ROBO2: variants seen among roughly 807,000 people sequenced by gnomAD.
The protein encoded by ROBO2 is roundabout guidance receptor 2, also known as roundabout homolog 2.
A neutral mutation model predicts 160.8 loss-of-function variants in ROBO2; 53 were observed. That is an observed-to-expected ratio of 0.33 (90% CI 0.26 to 0.41). The LOEUF (loss-of-function observed/expected upper bound fraction) is 0.41. ROBO2 is among the 10% of genes least tolerant of loss of function. The pLI, the probability that ROBO2 is intolerant of heterozygous loss-of-function variation, is 1.00. For missense variants in ROBO2, 1,577 were observed against 1,722.4 expected (o/e 0.92, Z 1.49); for synonymous variants, 664 against 611.7 (o/e 1.09, Z -1.26).
At chr3:76,819,184 G>C (rs1394833975) in intron 2 of ROBO2, among the ~76,000 whole-genome samples, 1 of 152,090 alleles carries the variant, frequency 6.6e-6, no homozygotes, top group African/African-American at 2.4e-5. Context: ...AGAGTGCTAA[G>C]AGCACATAAC....
At chr3:76,915,936 C>T (rs775904454) in intron 2 of ROBO2, among the ~76,000 whole-genome samples, 23 of 152,240 alleles carry the variant, frequency 1.5e-4, no homozygotes, top group Middle Eastern at 3.4e-3. Flanking sequence ...TATCCTCATA[C>T]AGTGGAGAAC....
intron 5 of ROBO2, among the ~76,000 whole-genome samples, chr3:77,517,506 G>C (rs929812934): frequency 7.3e-5 from 11 of 151,542 alleles, no homozygotes; most frequent in African/African-American, 2.7e-4. Flanking sequence ...GTTTCGAAGA[G>C]TTCAGTGACA....
intron 2 of ROBO2, among the ~76,000 whole-genome samples, chr3:77,006,520 A>G (rs915343246): frequency 2.0e-5 from 3 of 152,088 alleles, no homozygotes; most frequent in Admixed American, 6.6e-5. Context: ...GAAGAAGGTC[A>G]TGGAGTGAAT....
exon 26 of ROBO2, chr3:77,649,892 G>A (rs1391813208): frequency 3.3e-5 from 5 of 151,948 alleles, no homozygotes; most frequent in East Asian, 1.9e-4. Flanking sequence ...GCATAAAATC[G>A]GTTAATAGTA....
At chr3:76,597,166 T>G (rs1444256648) in intron 2 of ROBO2, among the ~76,000 whole-genome samples, 1 of 152,036 alleles carries the variant, frequency 6.6e-6, no homozygotes, top group African/African-American at 2.4e-5. Context: ...TATTAAATTT[T>G]TAGGAAAAAC....
intron 2 of ROBO2, among the ~76,000 whole-genome samples, chr3:76,873,570 A>AGTC (rs1390422214): frequency 6.6e-6 from 1 of 152,168 alleles, no homozygotes; most frequent in African/African-American, 2.4e-5. Context: ...TAGTAGTAGT[A>AGTC]GTAGTCGTCG....
chr3:77,020,582 T>A (rs530823633), intron 2 of ROBO2, among the ~76,000 whole-genome samples: 1 of 152,190 alleles, frequency 6.6e-6, no homozygotes, highest in East Asian at 1.9e-4. Flanking sequence ...GACCTAAATG[T>A]CCAACAATAA....
At chr3:76,415,276 A>T (rs1381672164) in intron 2 of ROBO2, among the ~76,000 whole-genome samples, 2 of 152,190 alleles carry the variant, frequency 1.3e-5, no homozygotes, top group Non-Finnish European at 2.9e-5. Context: ...CTTTGCAAGC[A>T]TCCAAAGCCT....
chr3:76,037,806 A>C (rs1324121283), intron 2 of ROBO2, among the ~76,000 whole-genome samples: 2 of 152,108 alleles, frequency 1.3e-5, no homozygotes, highest in Non-Finnish European at 2.9e-5. Flanking sequence ...AAAATCCTTA[A>C]CTACCCTTGG....
At chr3:77,369,856 T>C (rs1288135300) in intron 2 of ROBO2, among the ~76,000 whole-genome samples, 2 of 152,148 alleles carry the variant, frequency 1.3e-5, no homozygotes, top group East Asian at 1.9e-4. Context: ...AATATGGCCA[T>C]CTATAGTTAA....
At chr3:77,080,253 G>T (rs1176197146) in intron 1 of ROBO2, among the ~76,000 whole-genome samples, 1 of 152,170 alleles carries the variant, frequency 6.6e-6, no homozygotes, top group East Asian at 1.9e-4. Context: ...ATAGGCCACT[G>T]TGAGGGTCTG....
intron 2 of ROBO2, among the ~76,000 whole-genome samples, chr3:77,471,791 C>G (rs1393258754): frequency 1.3e-5 from 2 of 152,132 alleles, no homozygotes; most frequent in Non-Finnish European, 2.9e-5. Flanking sequence ...GTGGGAGACA[C>G]AGGCAATTTT....
At chr3:76,751,681 C>G (rs1576416965) in intron 2 of ROBO2, among the ~76,000 whole-genome samples, 1 of 151,834 alleles carries the variant, frequency 6.6e-6, no homozygotes, top group South Asian at 2.1e-4. Flanking sequence ...CCAACAGACA[C>G]ATGAAAAAAA....
At chr3:77,243,623 G>C (rs1212039248) in intron 2 of ROBO2, among the ~76,000 whole-genome samples, 7 of 152,158 alleles carry the variant, frequency 4.6e-5, no homozygotes, top group African/African-American at 1.7e-4. Context: ...AAGCTGTGCA[G>C]TCATTGAAGG....
intron 2 of ROBO2, among the ~76,000 whole-genome samples, chr3:77,333,334 C>T (rs2066169807): frequency 6.6e-6 from 1 of 152,152 alleles, no homozygotes; most frequent in Non-Finnish European, 1.5e-5. Context: ...ATATTTCTAA[C>T]ATTACACTTA....
chr3:77,450,556 T>C (rs2081011588), intron 2 of ROBO2, among the ~76,000 whole-genome samples: 2 of 152,224 alleles, frequency 1.3e-5, no homozygotes, highest in Admixed American at 6.6e-5. Flanking sequence ...TTACTATTAG[T>C]ACTGGTATAT....
intron 2 of ROBO2, among the ~76,000 whole-genome samples, chr3:77,359,023 A>C (rs1581320263): frequency 6.6e-6 from 1 of 152,234 alleles, no homozygotes; most frequent in Non-Finnish European, 1.5e-5. Flanking sequence ...CCTTAACAGA[A>C]ACAAAAGTGT....
intron 2 of ROBO2, among the ~76,000 whole-genome samples, chr3:77,193,302 G>C (rs1040258853): frequency 1.3e-5 from 2 of 151,848 alleles, no homozygotes; most frequent in African/African-American, 4.8e-5. Context: ...TAGAGATAAG[G>C]TCTTGTTCTG....
At chr3:77,147,499 TAA>T (rs1263697669) in intron 2 of ROBO2, among the ~76,000 whole-genome samples, 1 of 152,214 alleles carries the variant, frequency 6.6e-6, no homozygotes, top group Non-Finnish European at 1.5e-5. Context: ...CATTACTAAA[TAA>T]ACTTTTAAAG....
Sources: allele counts gnomAD v4.1 joint callset (sites outside exome capture counted in the v4.1 genomes callset), GRCh38; gene constraint gnomAD v4.1.1; transcripts MANE v1.5; gene names NCBI Gene and HGNC (gene_info 2026-07-23, HGNC 2026-07-21).